ANK2: variants seen among roughly 807,000 people sequenced by gnomAD.
ANK2 encodes the protein ankyrin 2, also known as ankyrin-2.
In ANK2, 83 loss-of-function variants were observed where a neutral mutation model predicts 360.5. The ratio of observed to expected loss-of-function variants is 0.23; its 90% confidence interval spans 0.19 to 0.28. The LOEUF is 0.28. Among genes scored for constraint, ANK2 ranks in the 10% least tolerant of loss-of-function variants. The pLI, the probability that ANK2 is intolerant of heterozygous loss-of-function variation, is 1.00. For missense variants in ANK2, 4,201 were observed against 4,795.7 expected (o/e 0.88, Z 3.66); for synonymous variants, 1,740 against 1,759.5 (o/e 0.99, Z 0.28).
intron 1 of ANK2, among the ~76,000 whole-genome samples, chr4:113,055,822 C>T (rs1218723157): frequency 6.6e-6 from 1 of 152,134 alleles, no homozygotes; most frequent in African/African-American, 2.4e-5. Context: ...CCTGTGGAAA[C>T]CAGGTGTAAG....
chr4:113,332,120 C>T (rs1279702792), intron 28 of ANK2, 50 bp downstream of exon 28: 1 of 1,445,998 alleles, frequency 6.9e-7, no homozygotes, highest in South Asian at 1.1e-5. Flanking sequence ...CCATTCTTCT[C>T]CTTCTTCTGC....
intron 26 of ANK2, among the ~76,000 whole-genome samples, chr4:113,327,865 A>C (rs2090812879): frequency 6.6e-6 from 1 of 152,238 alleles, no homozygotes; most frequent in Admixed American, 6.5e-5. Flanking sequence ...TGAAAGGAGC[A>C]TAGAAACGGA....
chr4:113,070,664 G>C (rs977850776), intron 1 of ANK2, among the ~76,000 whole-genome samples: 3 of 151,784 alleles, frequency 2.0e-5, no homozygotes, highest in African/African-American at 7.3e-5. Context: ...TTATTTTGTT[G>C]GGTAGCAACT....
chr4:112,822,435 A>G (rs2057383292), intron 1 of ANK2, among the ~76,000 whole-genome samples: 2 of 150,816 alleles, frequency 1.3e-5, no homozygotes, highest in Admixed American at 1.3e-4. Context: ...AAAAAAAAGA[A>G]AAACAACAAC....
chr4:113,360,352 A>C (rs1466081418), intron 38 of ANK2, among the ~76,000 whole-genome samples: 1 of 152,172 alleles, frequency 6.6e-6, no homozygotes, highest in East Asian at 1.9e-4. Flanking sequence ...TGATCAGCTC[A>C]TGATCAACAT....
At chr4:113,013,583 T>C (rs1400893930) in intron 2 of ANK2, among the ~76,000 whole-genome samples, 2 of 152,226 alleles carry the variant, frequency 1.3e-5, no homozygotes, top group Non-Finnish European at 2.9e-5. Context: ...TAACATCTTG[T>C]TGCAAACATT....
rs186074640 is a variant in ANK2 at position 113,187,148 on chromosome 4, T to A, written c.187-9220T>A. 2.6e-5 allele frequency among the ~76,000 whole-genome samples: 4 copies of A among 151,822 alleles called. No individual in the cohort carries two copies. The East Asian group carries it at 7.7e-4, about 29-fold the overall frequency. ...GGCAGAGGGGACAGTTTGAAATAAA[T>A]CTCTGCACCTCAGTGGGTATGCAGT... On this transcript the variant is annotated intron_variant, in intron 2 of 45. Transcript: ENST00000357077.
chr4:112,725,747 A>G, the ANK2 span, among the ~76,000 whole-genome samples: 1 of 152,094 alleles, frequency 6.6e-6, no homozygotes, highest in East Asian at 1.9e-4. Context: ...GGCAGAAAGT[A>G]GAATAGTGGT....
exon 1 of ANK2, chr4:112,818,111 A>T (rs975469249): frequency 6.6e-6 from 1 of 152,178 alleles, no homozygotes. Flanking sequence ...CATGGATTAC[A>T]GTCTGAGGCT....
Position 113,250,761 on chromosome 4 carries a change from C to CCG in ANK2, c.990+900_990+901insGC, listed in dbSNP as rs574931973. 2.6e-4 allele frequency among the ~76,000 whole-genome samples: 36 copies of CCG among 137,894 alleles called. 6 individuals carry two copies. The highest frequency in any genetic ancestry group is 8.7e-4 in the East Asian group (4 of 4,572). 90.5% of individuals were successfully genotyped at this position (137,894 alleles called of 152,430 possible). A position where few individuals can be genotyped will look rare whatever the true frequency, so the allele number is the denominator to read the frequency against. ...CATTCCACCTCATACCACCGCCCCC[C>CCG]CCCCCGACAGAGTTGGTATCAACTA... On this transcript the variant is annotated intron_variant, in intron 10 of 45. Coordinates refer to ENST00000357077, the MANE Select transcript of ANK2 (RefSeq NM_001148.6).
chr4:113,383,194 G>A lies in ANK2; in HGVS notation c.*1723G>A, dbSNP rs950025737. On this transcript the variant is annotated 3_prime_UTR_variant, in exon 46 of 46. Transcript: ENST00000357077. ...TTGTGCAAAAATGACTCATTGCTCC[G>A]AATGTCAAAAACAAATGCGACAAAC... The A allele has an allele frequency of 6.6e-6, 1 of 152,468 alleles. No homozygotes were observed. Among genetic ancestry groups the A allele is most frequent in the South Asian group, 2.1e-4 (1 of 4,822 alleles). The allele number at this position is 152,468 out of a possible 1,614,324, so 9.4% of individuals were successfully genotyped here.
At chr4:113,040,820 A>C (rs1036741393) in intron 2 of ANK2, among the ~76,000 whole-genome samples, 2 of 152,156 alleles carry the variant, frequency 1.3e-5, no homozygotes, top group African/African-American at 2.4e-5. Context: ...TAATTGTGGT[A>C]CCTTGAGAGC....
intron 1 of ANK2, among the ~76,000 whole-genome samples, chr4:113,168,765 A>T (rs1258274678): frequency 1.3e-5 from 2 of 152,334 alleles, no homozygotes; most frequent in Middle Eastern, 3.4e-3. Context: ...GCTGAACCCA[A>T]ATTGTTGGTT....
At chr4:112,938,556 G>T (rs955320301) in intron 2 of ANK2, among the ~76,000 whole-genome samples, 24 of 151,888 alleles carry the variant, frequency 1.6e-4, no homozygotes, top group African/African-American at 5.3e-4. Context: ...GCTGTATTTT[G>T]GTCATCCCAA....
At chr4:113,077,224 T>C (rs986638492) in intron 1 of ANK2, among the ~76,000 whole-genome samples, 3 of 152,086 alleles carry the variant, frequency 2.0e-5, no homozygotes, top group African/African-American at 7.2e-5. Context: ...AAGAAGATTC[T>C]CATCATATCA....
chr4:113,158,111 A>G (rs988907372), intron 1 of ANK2, among the ~76,000 whole-genome samples: 1 of 152,230 alleles, frequency 6.6e-6, no homozygotes, highest in African/African-American at 2.4e-5. Context: ...GACTTAAAAG[A>G]AAAAGCAAGT....
At chr4:112,754,574 C>T in the ANK2 span, among the ~76,000 whole-genome samples, 1 of 151,104 alleles carries the variant, frequency 6.6e-6, no homozygotes. Flanking sequence ...TAAAAGTCTT[C>T]ATATTAAAGT....
At chr4:113,349,927 C>T (rs1254024898) in intron 36 of ANK2, among the ~76,000 whole-genome samples, 5 of 152,040 alleles carry the variant, frequency 3.3e-5, no homozygotes, top group Non-Finnish European at 5.9e-5. Context: ...CACCCTTTTT[C>T]TGATGTATTC....
At chr4:113,293,405 T>G in intron 21 of ANK2, 35 bp from the exon 22 acceptor site, 2 of 1,581,730 alleles carry the variant, frequency 1.3e-6, no homozygotes, top group Non-Finnish European at 1.7e-6. Flanking sequence ...TCCTCTCTCT[T>G]ATTTCTCACT....
Sources: allele counts gnomAD v4.1 joint callset (sites outside exome capture counted in the v4.1 genomes callset), GRCh38; gene constraint gnomAD v4.1.1; transcripts MANE v1.5; gene names NCBI Gene and HGNC (gene_info 2026-07-23, HGNC 2026-07-21).